The following COL18A1 variants were observed in gnomAD, a reference collection of about 807,000 sequenced individuals.
COL18A1 encodes collagen type XVIII alpha 1 chain, also known as collagen alpha-1(XVIII) chain.
A neutral mutation model predicts 168.0 loss-of-function variants in COL18A1; 133 were observed. The ratio of observed to expected loss-of-function variants is 0.79; its 90% CI spans 0.69 to 0.91. The LOEUF (loss-of-function observed/expected upper bound fraction) is 0.91. Ranked by LOEUF, COL18A1 falls within the 40% of genes least tolerant of loss-of-function variation. The probability of loss-of-function intolerance (pLI) is 0.00; values close to 1 mark genes in which losing one functional copy is unlikely to be tolerated. For missense variants in COL18A1, 2,126 were observed against 1,925.4 expected (o/e 1.10, Z -1.95); for synonymous variants, 949 against 809.0 (o/e 1.17, Z -2.94).
rs761922620 is a variant in COL18A1, at chr21:45,496,507, C to T, written c.2516C>T (p.Pro839Leu). 6.9e-7 allele frequency: 1 copy of T among 1,455,092 alleles called. No individual in the cohort carries two copies. Among genetic ancestry groups the T allele is most frequent in the Non-Finnish European group, 9.7e-7 (1 of 1,035,634 alleles). The allele number at this position is 1,455,092 out of a possible 1,614,324, so 90.1% of individuals were successfully genotyped here. Reference protein sequence around the residue: ...ASLGFGMRGMPGPPGPPGPPG... With the variant: ...ASLGFGMRGMLGPPGPPGPPG... ...TCTCTGCCCTCCCCACAGGGAATGC[C>T]CGGCCCCCCAGGACCTCCAGGGCCC... Residue 839 changes from proline to leucine, a missense_variant, in exon 30 of 42, where the codon CCC becomes CTC. By Grantham distance (98) the Pro-to-Leu change is moderately conservative. Transcript: ENST00000651438.
rs781130929 is a variant in COL18A1 at position 45,478,332 on chromosome 21, C to A, written c.1227C>A (p.Asp409Glu). The change falls in exon 9 of 42, where the codon GAC becomes GAA. Residue 409 changes from aspartate (D) to glutamate (E), a missense_variant. Physicochemically the swap from Asp to Glu is conservative, Grantham distance 45. Transcript: ENST00000651438. Reference protein sequence around the residue: ...GTPGRDGEPGDPGEDGKPGDT... With the variant: ...GTPGRDGEPGEPGEDGKPGDT... ...GGCTTCTCTTGCACACCCAGGGCGA[C>A]CCCGGTGAAGACGGAAAGCCGGTGA... 4 of 1,614,122 alleles carry A rather than the reference C, an allele frequency of 2.5e-6. No homozygotes were observed. The highest frequency in any genetic ancestry group is 3.4e-6 in the Non-Finnish European group (4 of 1,180,028).
Position 45,505,919 on chromosome 21 carries a change from C to G in COL18A1, c.3169C>G (p.Gln1057Glu), listed in dbSNP as rs1448315039. ...GGGCTGGCTCATCTTCGTGGCCGAGCAGGAGGAGCTCTACGTCCGCGTGCA... is the reference window on the plus strand; with the variant it reads ...GGGCTGGCTCATCTTCGTGGCCGAGGAGGAGGAGCTCTACGTCCGCGTGCA... The part of the protein sequence containing the change: ...PEGWLIFVAE[Q>E]EELYVRVQNG... Residue 1057 changes from glutamine to glutamate, a missense_variant, in exon 37 of 42, where the codon CAG (glutamine) becomes GAG (glutamate). Physicochemically the swap from Gln to Glu is conservative, Grantham distance 29. Transcript: ENST00000651438. 3 of 1,613,018 alleles carry G rather than the reference C, an allele frequency of 1.9e-6. No individual in the cohort carries two copies. The highest frequency in any genetic ancestry group is 3.3e-5 in the Admixed American group (2 of 60,000).
intron 2 of COL18A1, chr21:45,409,953 C>T (rs1602326247): frequency 1.3e-5 from 2 of 152,234 alleles, no homozygotes; most frequent in Non-Finnish European, 2.9e-5. Context: ...CTTACCGGCC[C>T]TGGCGGTAAC....
chr21:45,412,237 C>CTTT lies in COL18A1; in HGVS notation c.106+6778_106+6780dup, dbSNP rs138419367. On this transcript the variant is annotated intron_variant, in intron 2 of 41. Coordinates refer to ENST00000651438, the MANE Select transcript of COL18A1 (RefSeq NM_001379500.1). ...TATTTCTTTAACTGGGGGTATATTT[C>CTTT]TTTTTTTTTTTTTTTTCGAGATGGA... 1.4e-3 allele frequency among the ~76,000 whole-genome samples: 74 copies of CTTT among 52,562 alleles called. 2 individuals are homozygous for CTTT. The highest frequency in any genetic ancestry group is 2.5e-3 in the African/African-American group (53 of 21,618). 34.5% of individuals were successfully genotyped at this position (52,562 alleles called of 152,430 possible).
At position 45,504,552 on chromosome 21, in the gene COL18A1, TTC is replaced by T; in HGVS notation, c.2865_2866del (p.Pro956ArgfsTer130). On this transcript the variant is annotated frameshift_variant and splice_region_variant, in exon 34 of 42. Transcript: ENST00000651438. LOFTEE classifies it high-confidence loss of function. ...CCAGGCCCACGTGGCTACCCTGGGA[TTC>T]CAGTAAGTCCCAGCCTGTGCAGGCA... is the stretch of plus-strand genomic sequence containing the variant. The T allele has an allele frequency of 2.5e-6, 4 of 1,571,634 alleles. No homozygotes were observed. Among genetic ancestry groups the T allele is most frequent in the Non-Finnish European group, 3.4e-6 (4 of 1,159,766 alleles).
At chr21:45,511,031 TCCACACACCC>T (rs1568954668) in intron 40 of COL18A1, 70 bp from the exon 41 acceptor site, 15 of 264,964 alleles carry the variant, frequency 5.7e-5, no homozygotes, top group East Asian at 3.0e-4. Flanking sequence ...ACACCCCACA[TCCACACACCC>T]CCCCACAAAC....
intron 32 of COL18A1, chr21:45,502,913 G>A (rs967789630): frequency 6.6e-6 from 1 of 152,218 alleles, no homozygotes; most frequent in East Asian, 1.9e-4. Flanking sequence ...GGATGAGTAA[G>A]TCAATGTACC....
At chr21:45,505,611 C>T (rs759806104) in intron 36 of COL18A1, among the ~76,000 whole-genome samples, 180 bp downstream of exon 36, 5 of 152,122 alleles carry the variant, frequency 3.3e-5, no homozygotes, top group African/African-American at 7.2e-5. Context: ...CCCAGGAGGA[C>T]GACCACCAGC....
intron 36 of COL18A1, 66 bp from the exon 37 acceptor site, chr21:45,505,772 C>G (rs1352236955): frequency 7.9e-7 from 1 of 1,257,956 alleles, no homozygotes; most frequent in Non-Finnish European, 1.1e-6. Context: ...ACGGGCATTC[C>G]TTCCTTCCGC....
Position 45,507,591 on chromosome 21 carries a change from A to T in COL18A1, c.3247A>T (p.Thr1083Ser). 1 of 1,612,976 alleles carries T rather than the reference A, an allele frequency of 6.2e-7. No homozygotes were observed. The highest frequency in any genetic ancestry group is 1.3e-5 in the African/African-American group (1 of 75,024). The change falls in exon 38 of 42, where the codon ACG becomes TCG. Residue 1083 changes from threonine to serine, a missense_variant and splice_region_variant. By Grantham distance (58) the Thr-to-Ser change is moderately conservative (BLOSUM62 1). Coordinates refer to ENST00000651438, the MANE Select transcript of COL18A1 (RefSeq NM_001379500.1). ...LEARTPLPRG[T>S]DNEVAALQPP... ...GGCCCGGACACCACTCCCACGAGGGACGGTAAGGAGCCTTTTTTCTGTTGA... is the reference window on the plus strand; with the variant it reads ...GGCCCGGACACCACTCCCACGAGGGTCGGTAAGGAGCCTTTTTTCTGTTGA...
chr21:45,406,228 C>T (rs1160275155), intron 2 of COL18A1, among the ~76,000 whole-genome samples: 1 of 152,134 alleles, frequency 6.6e-6, no homozygotes, highest in Non-Finnish European at 1.5e-5. Context: ...GGACGCGGAC[C>T]CCAGGGGAGC....
At chr21:45,509,095 G>C (rs1346081803) in intron 38 of COL18A1, among the ~76,000 whole-genome samples, 1 of 152,134 alleles carries the variant, frequency 6.6e-6, no homozygotes, top group African/African-American at 2.4e-5. Context: ...GGCACGTGGT[G>C]AGTGATTGCT....
At chr21:45,407,324 C>T (rs1286837460) in intron 2 of COL18A1, 1 of 152,246 alleles carries the variant, frequency 6.6e-6, no homozygotes, top group Non-Finnish European at 1.5e-5. Context: ...ACATTTTTTT[C>T]TGGCCAAGAA....
At chr21:45,422,150 TGGCTCACACACATG>T (rs1246165855) in intron 2 of COL18A1, among the ~76,000 whole-genome samples, 2 of 151,450 alleles carry the variant, frequency 1.3e-5, no homozygotes, top group East Asian at 3.9e-4. Context: ...CACATACACA[TGGCTCACACACATG>T]GGCTCACACA....
chr21:45,429,719 C>T (rs1232909621), intron 2 of COL18A1, among the ~76,000 whole-genome samples: 1 of 152,192 alleles, frequency 6.6e-6, no homozygotes, highest in African/African-American at 2.4e-5. Context: ...TGTCAGCATC[C>T]TCTCCAGGGC....
At chr21:45,504,373 T>C (rs780553701) in intron 33 of COL18A1, 43 bp from the exon 34 acceptor site, 13 of 1,592,920 alleles carry the variant, frequency 8.2e-6, no homozygotes, top group East Asian at 6.7e-5. Context: ...CTGTGGCTTG[T>C]AGGGGTTCAG....
At chr21:45,508,670 C>G (rs1011216098) in intron 38 of COL18A1, among the ~76,000 whole-genome samples, 2 of 152,188 alleles carry the variant, frequency 1.3e-5, no homozygotes, top group African/African-American at 4.8e-5. Context: ...GGCTCCACAG[C>G]GGCCTGTCTC....
intron 34 of COL18A1, 91 bp from the exon 35 acceptor site, chr21:45,505,042 AG>A: frequency 2.1e-5 from 32 of 1,520,580 alleles, no homozygotes; most frequent in Non-Finnish European, 2.7e-5. Flanking sequence ...GCGCTCGCCA[AG>A]GGGGTCTTGG....
chr21:45,421,764 G>A (rs1019088938), intron 2 of COL18A1: 3 of 372,306 alleles, frequency 8.1e-6, no homozygotes, highest in African/African-American at 6.4e-5. Context: ...GCAGCCAGGT[G>A]GACCACCGAG....
Sources: gnomAD v4.1 joint callset for allele counts (sites outside exome capture counted in the v4.1 genomes callset) on GRCh38, gnomAD v4.1.1 for gene constraint, MANE v1.5 for transcripts, NCBI Gene and HGNC (gene_info 2026-07-23, HGNC 2026-07-21) for gene names.